Variants in SPTA1 observed in about 807,000 individuals in gnomAD.
SPTA1 encodes the protein spectrin alpha chain, erythrocytic 1.
Under a neutral mutation model 324.7 loss-of-function variants are expected in SPTA1, and 177 were observed. The ratio of observed to expected loss-of-function variants is 0.55; its 90% CI spans 0.48 to 0.62. The LOEUF is 0.62. SPTA1 is among the 20% of genes least tolerant of loss of function. The probability of loss-of-function intolerance (pLI) is 0.00; values close to 1 mark genes in which losing one functional copy is unlikely to be tolerated. For missense variants in SPTA1, 3,162 were observed against 2,883.6 expected (o/e 1.10, Z -2.21); for synonymous variants, 1,195 against 1,041.3 (o/e 1.15, Z -2.84).
At chr1:158,666,940 A>G (rs1465730750) in intron 15 of SPTA1, among the ~76,000 whole-genome samples, 1 of 152,144 alleles carries the variant, frequency 6.6e-6, no homozygotes, top group African/African-American at 2.4e-5. Context: ...TTCCCCCCTT[A>G]GTGCCTGTCT....
chr1:158,660,090 A>G (rs1653110145), intron 18 of SPTA1, among the ~76,000 whole-genome samples: 1 of 152,222 alleles, frequency 6.6e-6, no homozygotes. Context: ...TGGAATCACA[A>G]TAAATACAAA....
chr1:158,618,204 G>A, intron 45 of SPTA1, 148 bp from the exon 46 acceptor site: 1 of 805,582 alleles, frequency 1.2e-6, no homozygotes. Flanking sequence ...TCCACCCACT[G>A]GTTCCCAAGG....
intron 2 of SPTA1, among the ~76,000 whole-genome samples, chr1:158,683,890 G>A (rs781296256): frequency 1.3e-5 from 2 of 151,784 alleles, no homozygotes; most frequent in East Asian, 3.9e-4. Context: ...GCCTGTTCTT[G>A]TAATCTATAA....
chr1:158,643,274 GT>G, intron 31 of SPTA1, 47 bp downstream of exon 31: 1 of 1,599,692 alleles, frequency 6.3e-7, no homozygotes, highest in Non-Finnish European at 8.6e-7. Flanking sequence ...AAAAAGGTCA[GT>G]TTGCTATATC....
At chr1:158,639,307 C>A in intron 35 of SPTA1, 1 of 456,644 alleles carries the variant, frequency 2.2e-6, no homozygotes, top group Non-Finnish European at 4.0e-6. Flanking sequence ...AGACAATTGG[C>A]TTATATGTAT....
intron 8 of SPTA1, 83 bp from the exon 9 acceptor site, chr1:158,674,758 G>A: frequency 6.4e-7 from 1 of 1,567,706 alleles, no homozygotes; most frequent in Admixed American, 1.7e-5. Flanking sequence ...TTGGGGTGAG[G>A]TAAGATGTGT....
At chr1:158,684,630 C>G (rs953312631) in intron 2 of SPTA1, among the ~76,000 whole-genome samples, 5 of 152,028 alleles carry the variant, frequency 3.3e-5, no homozygotes, top group African/African-American at 1.2e-4. Context: ...TTACATCACT[C>G]CCACTACAAT....
chr1:158,652,413 T>TG, intron 23 of SPTA1, 54 bp downstream of exon 23: 1 of 1,578,698 alleles, frequency 6.3e-7, no homozygotes, highest in Non-Finnish European at 8.7e-7. Flanking sequence ...TAGAATATGC[T>TG]GAGGGATAAA....
Position 158,654,757 on chromosome 1 carries a change from A to G in SPTA1, c.2899-9T>C. On this transcript the variant is annotated splice_polypyrimidine_tract_variant and intron_variant, in intron 20 of 51. Coordinates refer to ENST00000643759, the MANE Select transcript of SPTA1 (RefSeq NM_003126.4). ...GGTGCAGCCTGTTGTTGCTGAATAA[A>G]AACAGGAAGCAGGTGTCAGTCACGC... 3 of 1,613,298 alleles carry G rather than the reference A, an allele frequency of 1.9e-6. No homozygotes were observed. The highest frequency in any genetic ancestry group is 2.5e-6 in the Non-Finnish European group (3 of 1,179,908).
chr1:158,669,589 T>G (rs769134818), intron 13 of SPTA1, 26 bp from the exon 14 acceptor site: 4 of 1,614,030 alleles, frequency 2.5e-6, no homozygotes, highest in African/African-American at 2.7e-5. Context: ...GTAAACTTAC[T>G]GTCAGCACAA....
chr1:158,683,340 T>C lies in SPTA1; in HGVS notation c.390+31A>G, dbSNP rs370859518. 8.7e-6 allele frequency: 14 copies of C among 1,612,642 alleles called. No individual in the cohort carries two copies. The African/African-American group carries it at 1.2e-4, about 14-fold the overall frequency. On this transcript the variant is annotated intron_variant, in intron 3 of 51. Coordinates refer to ENST00000643759, the MANE Select transcript of SPTA1 (RefSeq NM_003126.4). ...AAACCCTGATAACATAATCAATAATTGGAAACTTCTTCAAGGGCCCATACA... is the reference window on the plus strand; with the variant it reads ...AAACCCTGATAACATAATCAATAATCGGAAACTTCTTCAAGGGCCCATACA...
rs749181384 is a variant in SPTA1 at position 158,672,096 on chromosome 1, T to C, written c.1451A>G (p.Asp484Gly). ...CATCCAACTGTCCACTTGCTCACTGTCTCTGTAGAAGAGATGAAAGTCCAA... is the reference window on the plus strand; with the variant it reads ...CATCCAACTGTCCACTTGCTCACTGCCTCTGTAGAAGAGATGAAAGTCCAA... ...QCLDFHLFYR[D>G]SEQVDSWMSR... The change falls in exon 11 of 52, where the codon GAC (aspartate) becomes GGC (glycine). Residue 484 changes from aspartate (D) to glycine (G), a missense_variant. Coordinates refer to ENST00000643759, the MANE Select transcript of SPTA1 (RefSeq NM_003126.4). The C allele has an allele frequency of 3.7e-6, 6 of 1,613,952 alleles. No homozygotes were observed. In the African/African-American group the frequency reaches 5.3e-5, roughly 14 times the overall value.
intron 27 of SPTA1, among the ~76,000 whole-genome samples, chr1:158,646,472 A>C (rs1652004584): frequency 6.6e-6 from 1 of 152,166 alleles, no homozygotes; most frequent in Non-Finnish European, 1.5e-5. Context: ...AAGAATGGAT[A>C]AAAACAAAAC....
intron 35 of SPTA1, 121 bp downstream of exon 35, chr1:158,639,450 ATGACTGCTGGT>A: frequency 1.1e-6 from 1 of 880,748 alleles, no homozygotes; most frequent in East Asian, 2.4e-5. Context: ...CCTAATTAAA[ATGACTGCTGGT>A]TGAGAACACT....
Position 158,652,488 on chromosome 1 carries a change from T to C in SPTA1, c.3354A>G (p.Lys1118=). ...TCACCTTTTGGAACTCATCAAACTT[T>C]TTCTGCAGCTCCCAAACATCATCTA... ...VELDDVWELQ[K]KFDEFQKDLN... is the part of the protein sequence containing the mutation. The change falls in exon 23 of 52, where the codon AAA becomes AAG. Residue 1118 remains lysine (K), a synonymous_variant. Coordinates refer to ENST00000643759, the MANE Select transcript of SPTA1 (RefSeq NM_003126.4). 6.2e-7 allele frequency: 1 copy of C among 1,614,182 alleles called. No individual in the cohort carries two copies.
rs1443486470 is a variant in SPTA1, at chr1:158,677,783, G to A, written c.864C>T (p.Thr288=). The change falls in exon 7 of 52, where the codon ACC becomes ACT. Residue 288 remains threonine, a synonymous_variant. Coordinates refer to ENST00000643759, the MANE Select transcript of SPTA1 (RefSeq NM_003126.4). Reference sequence around the variant, plus strand: ...CAAGGTCTTTGCCATAGTCCTCAGAGGTGAGTACAGGTTCCTTCTCCTTGA... The same window carrying A: ...CAAGGTCTTTGCCATAGTCCTCAGAAGTGAGTACAGGTTCCTTCTCCTTGA... ...QWIKEKEPVL[T]SEDYGKDLVA... The A allele has an allele frequency of 6.2e-6, 10 of 1,613,582 alleles. No homozygotes were observed. The highest frequency in any genetic ancestry group is 1.6e-4 in the Middle Eastern group (1 of 6,080).
At chr1:158,615,743 A>T (rs1448274710) in intron 47 of SPTA1, among the ~76,000 whole-genome samples, 1 of 152,146 alleles carries the variant, frequency 6.6e-6, no homozygotes, top group African/African-American at 2.4e-5. Context: ...TCTGTCATCT[A>T]TCAAGAGAGC....
chr1:158,657,622 C>T lies in SPTA1; in HGVS notation c.2660G>A (p.Arg887Gln), dbSNP rs941535029. 5.6e-6 allele frequency: 9 copies of T among 1,613,980 alleles called. No homozygotes were observed. The highest frequency in any genetic ancestry group is 3.3e-5 in the Admixed American group (2 of 59,994). The change falls in exon 19 of 52, where the codon CGA becomes CAA. Residue 887 changes from arginine (R) to glutamine (Q), a missense_variant. By Grantham distance (43) the Arg-to-Gln change is conservative (BLOSUM62 1). Transcript: ENST00000643759. ...LNQNMESLRA[R>Q]AARRQNDLEA... Reference sequence around the variant, plus strand: ...AAGATCATTTTGTCGCCTAGCAGCTCGAGCACGGAGAGACTCCATATTCTG... The same window carrying T: ...AAGATCATTTTGTCGCCTAGCAGCTTGAGCACGGAGAGACTCCATATTCTG...
At chr1:158,644,763 C>T (rs1214421469) in intron 29 of SPTA1, among the ~76,000 whole-genome samples, 3 of 152,200 alleles carry the variant, frequency 2.0e-5, no homozygotes, top group Non-Finnish European at 4.4e-5. Flanking sequence ...CCTCAAAGCA[C>T]TCGTACATTT....
Sources: allele counts gnomAD v4.1 joint callset (sites outside exome capture counted in the v4.1 genomes callset), GRCh38; gene constraint gnomAD v4.1.1; transcripts MANE v1.5; gene names NCBI Gene and HGNC (gene_info 2026-07-23, HGNC 2026-07-21).